The following LARGE1 variants were observed in gnomAD, a reference collection of about 807,000 sequenced individuals.
LARGE1 encodes the protein LARGE xylosyl- and glucuronyltransferase 1.
A neutral mutation model predicts 87.6 loss-of-function variants in LARGE1; 43 were observed. The ratio of observed to expected loss-of-function variants is 0.49; its 90% CI spans 0.38 to 0.63. The LOEUF (loss-of-function observed/expected upper bound fraction) is 0.63. Among genes scored for constraint, LARGE1 ranks in the 30% least tolerant of loss-of-function variants. The pLI, the probability that LARGE1 is intolerant of heterozygous loss-of-function variation, is 0.00. For synonymous variants in LARGE1, 434 were observed against 394.6 expected, an observed-to-expected ratio of 1.10 and a Z score of -1.18; for missense variants, 802 against 1,000.2, an observed-to-expected ratio of 0.80 and a Z score of 2.67.
intron 11 of LARGE1, among the ~76,000 whole-genome samples, chr22:33,243,220 T>C (rs184923119): frequency 2.0e-5 from 3 of 152,366 alleles, no homozygotes; most frequent in East Asian, 3.9e-4. Context: ...TAAAGCTTTA[T>C]ATCAAAACAT....
intron 6 of LARGE1, among the ~76,000 whole-genome samples, chr22:33,454,463 C>A (rs2068053047): frequency 6.6e-6 from 1 of 151,472 alleles, no homozygotes; most frequent in Non-Finnish European, 1.5e-5. Context: ...ACTGAAAAAA[C>A]AAAAAATTAG....
chr22:33,270,982 A>G (rs145831773), downstream of LARGE1, among the ~76,000 whole-genome samples: 717 of 152,364 alleles, frequency 4.7e-3, 2 homozygotes, highest in African/African-American at 0.016. Flanking sequence ...ACAACCCAGG[A>G]GAAGCATTCA....
intron 11 of LARGE1, among the ~76,000 whole-genome samples, chr22:33,246,144 C>T (rs976547013): frequency 6.6e-6 from 1 of 152,112 alleles, no homozygotes; most frequent in Non-Finnish European, 1.5e-5. Context: ...TTCCTCAAGT[C>T]CTTCCACCAA....
intron 12 of LARGE1, among the ~76,000 whole-genome samples, chr22:33,289,411 C>A (rs1932133668): frequency 6.6e-6 from 1 of 152,216 alleles, no homozygotes; most frequent in African/African-American, 2.4e-5. Flanking sequence ...TCTGCAACCT[C>A]TCCCAACCAC....
intron 2 of LARGE1, chr22:33,733,060 C>G (rs911109934): frequency 2.0e-5 from 3 of 152,204 alleles, no homozygotes; most frequent in Non-Finnish European, 2.9e-5. Flanking sequence ...TATCATTTAC[C>G]ATTCTGCTCA....
intron 1 of LARGE1, among the ~76,000 whole-genome samples, chr22:33,888,504 G>A (rs1050943022): frequency 7.9e-5 from 12 of 152,100 alleles, no homozygotes; most frequent in African/African-American, 9.7e-5. Flanking sequence ...TATCACACAC[G>A]GGGGAGGTGG....
In LARGE1 at chr22:33,875,866, G is replaced by A. The variant is rs144503478; in HGVS notation, c.-83+44129C>T. On this transcript the variant is annotated intron_variant, in intron 1 of 14. Transcript: ENST00000397394. The stretch of plus-strand genomic sequence containing the variant: ...GGCTCTGCTAGCCAGGTCACTTCTG[G>A]TAGGTGAGGTGCAGCCTTCAGTGCC... Among the ~76,000 whole-genome samples the A allele has an allele frequency of 6.0e-4, 91 of 152,300 alleles. 1 individual carries two copies. Among genetic ancestry groups the A allele is most frequent in the Middle Eastern group, 6.8e-3 (2 of 294 alleles).
chr22:33,359,243 G>A (rs2064292579), intron 9 of LARGE1, among the ~76,000 whole-genome samples: 1 of 152,166 alleles, frequency 6.6e-6, no homozygotes, highest in African/African-American at 2.4e-5. Flanking sequence ...AAATGCTGCG[G>A]ACTTGGAATC....
intron 6 of LARGE1, among the ~76,000 whole-genome samples, chr22:33,433,795 C>G (rs1358497078): frequency 6.6e-6 from 1 of 152,096 alleles, no homozygotes; most frequent in African/African-American, 2.4e-5. Context: ...CCCATCCGCA[C>G]TTAAGAAAAC....
intron 2 of LARGE1, among the ~76,000 whole-genome samples, chr22:33,664,950 C>T (rs534910873): frequency 1.3e-5 from 2 of 152,280 alleles, no homozygotes; most frequent in East Asian, 3.9e-4. Flanking sequence ...AACCTGCCTT[C>T]CCATCAACCA....
chr22:33,611,252 G>A lies in LARGE1; in HGVS notation c.492-6694C>T, dbSNP rs1602705418. Among the ~76,000 whole-genome samples the A allele has an allele frequency of 2.0e-5, 3 of 150,368 alleles. No homozygotes were observed. The East Asian group carries it at 5.9e-4, about 30-fold the overall frequency. On this transcript the variant is annotated intron_variant, in intron 4 of 14. Transcript: ENST00000397394. The stretch of plus-strand genomic sequence containing the variant: ...AGATCCACTGGCGATGTGCACCTTT[G>A]TGCTTGGAAAAGCAACAGACACTCA...
At chr22:33,234,533 CTTTGT>C (rs140006995) in intron 11 of LARGE1, among the ~76,000 whole-genome samples, 3 of 151,568 alleles carry the variant, frequency 2.0e-5, no homozygotes, top group African/African-American at 7.3e-5. Flanking sequence ...TTTTTTGTTT[CTTTGT>C]TTTGTTTTGT....
At chr22:33,119,337 T>A in the LARGE1 span, among the ~76,000 whole-genome samples, 1 of 152,042 alleles carries the variant, frequency 6.6e-6, no homozygotes, top group African/African-American at 2.4e-5. Context: ...TTATATATTT[T>A]TTTTTATTTT....
intron 5 of LARGE1, among the ~76,000 whole-genome samples, chr22:33,590,148 T>C (rs1317301035): frequency 6.6e-6 from 1 of 152,246 alleles, no homozygotes; most frequent in Non-Finnish European, 1.5e-5. Flanking sequence ...GCTTAGTATA[T>C]CTGGAAGTTT....
intron 9 of LARGE1, among the ~76,000 whole-genome samples, chr22:33,356,086 G>A (rs1940866929): frequency 6.6e-6 from 1 of 152,136 alleles, no homozygotes; most frequent in Non-Finnish European, 1.5e-5. Context: ...TCTTAGAACT[G>A]TTTGGACATA....
At chr22:33,576,713 A>G (rs1176623261) in intron 5 of LARGE1, among the ~76,000 whole-genome samples, 1 of 152,146 alleles carries the variant, frequency 6.6e-6, no homozygotes, top group Non-Finnish European at 1.5e-5. Flanking sequence ...GGATACCAAA[A>G]TCCTCAGGTG....
chr22:33,566,854 C>A (rs747261189), intron 5 of LARGE1, among the ~76,000 whole-genome samples: 10 of 152,166 alleles, frequency 6.6e-5, no homozygotes, highest in Non-Finnish European at 1.3e-4. Flanking sequence ...CTAACTGATG[C>A]ATTTACAATC....
At chr22:33,622,703 C>T (rs1487677822) in intron 4 of LARGE1, among the ~76,000 whole-genome samples, 2 of 152,184 alleles carry the variant, frequency 1.3e-5, no homozygotes, top group African/African-American at 2.4e-5. Context: ...TTAAACCCAA[C>T]GTCTCATTTG....
chr22:33,688,297 A>G (rs1273811004), intron 2 of LARGE1, among the ~76,000 whole-genome samples: 1 of 152,204 alleles, frequency 6.6e-6, no homozygotes, highest in Non-Finnish European at 1.5e-5. Context: ...TTAAGTGTTC[A>G]TCATTACTTT....
Sources: allele counts gnomAD v4.1 joint callset (sites outside exome capture counted in the v4.1 genomes callset), GRCh38; gene constraint gnomAD v4.1.1; transcripts MANE v1.5; gene names NCBI Gene and HGNC (gene_info 2026-07-23, HGNC 2026-07-21).